Variants in FBXW12 observed in about 807,000 individuals in gnomAD.
FBXW12 encodes the protein F-box/WD repeat-containing protein 12.
A neutral mutation model predicts 55.3 loss-of-function variants in FBXW12; 43 were observed. That is an observed-to-expected ratio of 0.78 (90% CI 0.61 to 1.00). The LOEUF (loss-of-function observed/expected upper bound fraction) is 1.00, where lower values mean the gene tolerates loss of function less well. Among genes scored for constraint, FBXW12 ranks in the 50% least tolerant of loss-of-function variants. The pLI is 0.00. For missense variants in FBXW12, 524 were observed against 560.5 expected (o/e 0.93, Z 0.66); for synonymous variants, 184 against 203.8 (o/e 0.90, Z 0.83).
rs1306032956 is a variant in FBXW12, at chr3:48,394,215, T to G, written c.1296-345T>G. Among the ~76,000 whole-genome samples, 5 of 151,906 alleles carry G rather than the reference T, an allele frequency of 3.3e-5. No homozygotes were observed. In the East Asian group the frequency reaches 9.8e-4, roughly 30 times the overall value. ...GTGAACTGACATGGTGCCACTGCAC[T>G]CCAGCCTGGGCAGCACAGCGAGGCC... On this transcript the variant is annotated intron_variant, in intron 10 of 10. Transcript: ENST00000296438.
chr3:48,372,887 C>G lies in FBXW12; in HGVS notation c.90+30C>G, dbSNP rs772504839. On this transcript the variant is annotated intron_variant, in intron 2 of 10. Coordinates refer to ENST00000296438, the MANE Select transcript of FBXW12 (RefSeq NM_207102.2). ...AGGCCTTCCACCTCCCACTGCCCCC[C>G]AAGCCCGCTGCTTCTCTCGACCAGT... 7 of 1,596,010 alleles carry G rather than the reference C, an allele frequency of 4.4e-6. No homozygotes were observed. The South Asian group carries it at 5.5e-5, about 13-fold the overall frequency.
Position 48,375,488 on chromosome 3 carries a change from A to G in FBXW12, c.405+16A>G. ...TGTGCAAGAGGTGAGTCTGGCCAAT[A>G]TGTGGCAAAAGTACTGCATATTTGC... On this transcript the variant is annotated intron_variant, in intron 5 of 10. Coordinates refer to ENST00000296438, the MANE Select transcript of FBXW12 (RefSeq NM_207102.2). 6.8e-7 allele frequency: 1 copy of G among 1,466,356 alleles called. No homozygotes were observed. The highest frequency in any genetic ancestry group is 9.4e-7 in the Non-Finnish European group (1 of 1,059,328). The allele number at this position is 1,466,356 out of a possible 1,614,324, so 90.8% of individuals were successfully genotyped here. A position where few individuals can be genotyped will look rare whatever the true frequency, so the allele number is the denominator to read the frequency against.
chr3:48,380,718 C>A lies in FBXW12; in HGVS notation c.791C>A (p.Ser264Tyr), dbSNP rs753040047. Reference protein sequence around the residue: ...RTLPQVFLTESLLRPSEGSVP... With the variant: ...RTLPQVFLTEYLLRPSEGSVP... ...TCTCTTTAGGTATTCCTCACAGAGTCCTTACTGAGACCATCAGAAGGCAGT... is the reference window on the plus strand; with the variant it reads ...TCTCTTTAGGTATTCCTCACAGAGTACTTACTGAGACCATCAGAAGGCAGT... The change falls in exon 8 of 11, where the codon TCC (serine) becomes TAC (tyrosine). Residue 264 changes from serine to tyrosine, a missense_variant. Physicochemically the swap from Ser to Tyr is moderately radical, Grantham distance 144 (BLOSUM62 -2). Coordinates refer to ENST00000296438, the MANE Select transcript of FBXW12 (RefSeq NM_207102.2). 9 of 1,613,636 alleles carry A rather than the reference C, an allele frequency of 5.6e-6. No homozygotes were observed. Among genetic ancestry groups the A allele is most frequent in the Non-Finnish European group, 6.8e-6 (8 of 1,179,548 alleles).
Position 48,372,256 on chromosome 3 carries a change from T to C in FBXW12, c.-149T>C. Reference sequence around the variant, plus strand: ...CACTGCAAAGTTAAATGCGAGAAGGTAGAAACCCAGAGGCCATGCTGGCGC... The same window carrying C: ...CACTGCAAAGTTAAATGCGAGAAGGCAGAAACCCAGAGGCCATGCTGGCGC... On this transcript the variant is annotated 5_prime_UTR_variant, in exon 1 of 11. Transcript: ENST00000296438. 6.4e-7 allele frequency: 1 copy of C among 1,551,784 alleles called. No individual in the cohort carries two copies. The highest frequency in any genetic ancestry group is 8.7e-7 in the Non-Finnish European group (1 of 1,146,896).
At chr3:48,379,314 AT>A in intron 6 of FBXW12, 85 bp from the exon 7 acceptor site, 1 of 1,225,264 alleles carries the variant, frequency 8.2e-7, no homozygotes. Context: ...ACAGTGGCAT[AT>A]CTTGCAGCTC....
chr3:48,378,297 G>A lies in FBXW12; in HGVS notation c.406-20G>A, dbSNP rs139539557. On this transcript the variant is annotated intron_variant, in intron 5 of 10. Coordinates refer to ENST00000296438, the MANE Select transcript of FBXW12 (RefSeq NM_207102.2). ...TGTAAGGGTTCCTTGAACACAGGTC[G>A]TGTTACTCTCGTTTTCTAGGGTACC... 5.1e-4 allele frequency: 821 copies of A among 1,594,964 alleles called. 7 individuals are homozygous for A. The African/African-American group carries it at 9.5e-3, about 19-fold the overall frequency.
rs1228408058 is a variant in FBXW12 at position 48,376,394 on chromosome 3, A to T, written c.405+922A>T. On this transcript the variant is annotated intron_variant, in intron 5 of 10. Transcript: ENST00000296438. ...TAATTTTTGGGCTTTCTGCATCTTT[A>T]TTACCTGTTCTATTGCCTCTTTGTC... 2.0e-5 allele frequency among the ~76,000 whole-genome samples: 3 copies of T among 152,122 alleles called. No homozygotes were observed. The East Asian group carries it at 5.8e-4, about 29-fold the overall frequency.
At chr3:48,375,856 T>C (rs2036675660) in intron 5 of FBXW12, among the ~76,000 whole-genome samples, 1 of 152,000 alleles carries the variant, frequency 6.6e-6, no homozygotes, top group Non-Finnish European at 1.5e-5. Flanking sequence ...TTTGTATTTT[T>C]AGTACAGACA....
At chr3:48,390,605 G>A (rs1441358872) in intron 10 of FBXW12, among the ~76,000 whole-genome samples, 1 of 151,234 alleles carries the variant, frequency 6.6e-6, no homozygotes, top group Non-Finnish European at 1.5e-5. Context: ...AGTAGAGATG[G>A]GGTTTTGCAT....
At chr3:48,379,307 G>C in intron 6 of FBXW12, 93 bp from the exon 7 acceptor site, 1 of 1,126,572 alleles carries the variant, frequency 8.9e-7, no homozygotes, top group Non-Finnish European at 1.3e-6. Context: ...TGAAGAAACA[G>C]TGGCATATCT....
intron 10 of FBXW12, among the ~76,000 whole-genome samples, chr3:48,392,327 T>A (rs903105912): frequency 2.0e-4 from 31 of 152,030 alleles, no homozygotes; most frequent in African/African-American, 7.5e-4. Context: ...GGCGGGCATC[T>A]GTAGTCCCAG....
Position 48,372,845 on chromosome 3 carries a change from C to T in FBXW12, c.78C>T (p.Ser26=). 6.8e-6 allele frequency: 11 copies of T among 1,614,136 alleles called. No individual in the cohort carries two copies. The highest frequency in any genetic ancestry group is 9.3e-6 in the Non-Finnish European group (11 of 1,180,010). The change falls in exon 2 of 11, where the codon TCC becomes TCT. Residue 26 remains serine (S), a synonymous_variant. Transcript: ENST00000296438. ...ACCTGTTCGGCTTGCTGCAGGTTTC[C>T]CAGGTGAACAAGGTAAAGGCCTTCC... The part of the protein sequence containing the change: ...FLDLFGLLQV[S]QVNKHWNRIA...
chr3:48,389,019 T>G (rs182221853), intron 10 of FBXW12, among the ~76,000 whole-genome samples: 127 of 152,308 alleles, frequency 8.3e-4, no homozygotes, highest in Non-Finnish European at 1.3e-3. Context: ...TCTAACCCCC[T>G]GCTCTGACCC....
At chr3:48,374,151 T>A (rs1198534677) in intron 4 of FBXW12, among the ~76,000 whole-genome samples, 1 of 151,760 alleles carries the variant, frequency 6.6e-6, no homozygotes, top group Non-Finnish European at 1.5e-5. Context: ...AGACCCCCCC[T>A]CCATCTCTAT....
At chr3:48,392,986 C>CT (rs782102353) in intron 10 of FBXW12, among the ~76,000 whole-genome samples, 1,265 of 124,986 alleles carry the variant, frequency 0.01, 55 homozygotes, top group East Asian at 0.021. Flanking sequence ...AAGGGGTACC[C>CT]TTTTTTTTTT....
chr3:48,376,757 T>A (rs1025816358), intron 5 of FBXW12, among the ~76,000 whole-genome samples: 2 of 152,190 alleles, frequency 1.3e-5, no homozygotes, highest in African/African-American at 2.4e-5. Flanking sequence ...CCAGACAGAA[T>A]CAAGAGCCTA....
chr3:48,378,396 T>A lies in FBXW12; in HGVS notation c.485T>A (p.Ile162Asn). 1 of 1,613,978 alleles carries A rather than the reference T, an allele frequency of 6.2e-7. No homozygotes were observed. Among genetic ancestry groups the A allele is most frequent in the South Asian group, 1.1e-5 (1 of 91,068 alleles). ...ACCCTCCCTCAGATGCATCTCGCCATCACTATGGATCGGAAAAAAACTATC... is the reference window on the plus strand; with the variant it reads ...ACCCTCCCTCAGATGCATCTCGCCAACACTATGGATCGGAAAAAAACTATC... ...LVTLPQMHLA[I>N]TMDRKKTIKV... Residue 162 changes from isoleucine (I) to asparagine (N), a missense_variant, in exon 6 of 11, where the codon ATC becomes AAC. Physicochemically the swap from Ile to Asn is moderately radical, Grantham distance 149. Coordinates refer to ENST00000296438, the MANE Select transcript of FBXW12 (RefSeq NM_207102.2).
rs912241569 is a variant in FBXW12, at chr3:48,373,721, C to A, written c.286+16C>A. The stretch of plus-strand genomic sequence containing the variant: ...AAGAACATCGGTATGGGTATAGGTG[C>A]CCTAGAGGAACATGAGCAGCTTGTT... On this transcript the variant is annotated intron_variant, in intron 4 of 10. Transcript: ENST00000296438. The A allele has an allele frequency of 2.5e-6, 4 of 1,600,744 alleles. No homozygotes were observed. The South Asian group carries it at 4.4e-5, about 18-fold the overall frequency.
chr3:48,378,294 G>A (rs1159317586), intron 5 of FBXW12, 23 bp from the exon 6 acceptor site: 2 of 1,586,192 alleles, frequency 1.3e-6, no homozygotes, highest in Admixed American at 1.7e-5. Flanking sequence ...TTGAACACAG[G>A]TCGTGTTACT....
Sources: gnomAD v4.1 joint callset for allele counts (sites outside exome capture counted in the v4.1 genomes callset) on GRCh38, gnomAD v4.1.1 for gene constraint, MANE v1.5 for transcripts, NCBI Gene and HGNC (gene_info 2026-07-23, HGNC 2026-07-21) for gene names.